TRPM6: variants seen among roughly 807,000 people sequenced by gnomAD.
TRPM6 encodes channel kinase 2.
TRPM6 carries 111 observed loss-of-function variants against 247.6 expected under a neutral mutation model. The observed-to-expected ratio is 0.45, with a 90% CI of 0.38 to 0.52. The LOEUF (loss-of-function observed/expected upper bound fraction) is 0.52. Ranked by LOEUF, TRPM6 falls within the 20% of genes least tolerant of loss-of-function variation. The pLI, the probability that TRPM6 is intolerant of heterozygous loss-of-function variation, is 0.00. For missense variants in TRPM6, 2,126 were observed against 2,421.5 expected, an observed-to-expected ratio of 0.88 and a Z score of 2.56; for synonymous variants, 892 against 853.8, an observed-to-expected ratio of 1.04 and a Z score of -0.78.
Position 74,732,737 on chromosome 9 carries a change from C to A in TRPM6, c.5777-1G>T. 6.2e-7 allele frequency: 1 copy of A among 1,607,770 alleles called. No individual in the cohort carries two copies. ...GGATCTGTCAAATTTTCTCCAACACCTCAAAAGAAGAAACAAAATTCGTTT... is the reference window on the plus strand; with the variant it reads ...GGATCTGTCAAATTTTCTCCAACACATCAAAAGAAGAAACAAAATTCGTTT... On this transcript the variant is annotated splice_acceptor_variant, in intron 36 of 38. Coordinates refer to ENST00000360774, the MANE Select transcript of TRPM6 (RefSeq NM_017662.5). LOFTEE classifies it high-confidence loss of function.
chr9:74,887,646 C>G, intron 1 of TRPM6, 178 bp downstream of exon 1: 1 of 1,578,432 alleles, frequency 6.3e-7, no homozygotes, highest in Non-Finnish European at 8.6e-7. Context: ...ATAGGATAAT[C>G]ATCTTTGGGT....
At chr9:74,756,060 A>G (rs1222295588) in intron 27 of TRPM6, among the ~76,000 whole-genome samples, 1 of 152,234 alleles carries the variant, frequency 6.6e-6, no homozygotes, top group African/African-American at 2.4e-5. Flanking sequence ...GTAAATTGGT[A>G]ACTCAAAAGC....
intron 1 of TRPM6, among the ~76,000 whole-genome samples, chr9:74,881,406 T>C (rs1028840961): frequency 1.3e-5 from 2 of 152,000 alleles, no homozygotes; most frequent in Non-Finnish European, 2.9e-5. Context: ...ATTCTAAACA[T>C]ATATGCACCT....
chr9:74,811,265 GT>G (rs1259030514), intron 12 of TRPM6, among the ~76,000 whole-genome samples: 2 of 152,144 alleles, frequency 1.3e-5, no homozygotes, highest in Non-Finnish European at 2.9e-5. Flanking sequence ...TTCCTGGAGT[GT>G]TTATAATAAT....
At chr9:74,868,645 C>A (rs1830929804) in intron 1 of TRPM6, among the ~76,000 whole-genome samples, 1 of 152,116 alleles carries the variant, frequency 6.6e-6, no homozygotes, top group Admixed American at 6.6e-5. Flanking sequence ...AGGAGAAATT[C>A]CTTCTGCCTG....
At chr9:74,779,002 G>A (rs538998020) in intron 23 of TRPM6, among the ~76,000 whole-genome samples, 1 of 152,262 alleles carries the variant, frequency 6.6e-6, no homozygotes, top group Admixed American at 6.5e-5. Flanking sequence ...GCTAAGATGC[G>A]GGGTGTGAGC....
At chr9:74,839,905 G>GGAGGGATGGAGGGAGGGAGA (rs1829866571) in intron 5 of TRPM6, 119 bp downstream of exon 5, 1 of 492,166 alleles carries the variant, frequency 2.0e-6, no homozygotes, top group Non-Finnish European at 3.5e-6. Flanking sequence ...AGGGAGGGAG[G>GGAGGGATGGAGGGAGGGAGA]GAGGGAGGGA....
intron 37 of TRPM6, among the ~76,000 whole-genome samples, chr9:74,728,763 C>A (rs73530654): frequency 6.6e-6 from 1 of 152,146 alleles, no homozygotes; most frequent in Non-Finnish European, 1.5e-5. Flanking sequence ...CCTTCTAAAA[C>A]GATGCATAGA....
intron 27 of TRPM6, among the ~76,000 whole-genome samples, chr9:74,760,139 A>C (rs1826573690): frequency 6.6e-6 from 1 of 152,194 alleles, no homozygotes. Flanking sequence ...GTGTAGCCTA[A>C]ATGTACAGTG....
chr9:74,862,454 A>G (rs1023262969), intron 1 of TRPM6, among the ~76,000 whole-genome samples: 8 of 152,140 alleles, frequency 5.3e-5, no homozygotes, highest in African/African-American at 1.9e-4. Flanking sequence ...CAAAGGAGAA[A>G]GAAGGGAAAT....
intron 1 of TRPM6, among the ~76,000 whole-genome samples, chr9:74,874,849 G>C (rs1279991599): frequency 6.6e-6 from 1 of 150,628 alleles, no homozygotes; most frequent in African/African-American, 2.4e-5. Flanking sequence ...TCCACCTCCC[G>C]AGTTCAAGTG....
intron 16 of TRPM6, 46 bp from the exon 17 acceptor site, chr9:74,800,528 G>A (rs1365742519): frequency 7.7e-7 from 1 of 1,299,564 alleles, no homozygotes; most frequent in African/African-American, 1.5e-5. Context: ...AGGTGAGAGA[G>A]CTGCATTATT....
intron 14 of TRPM6, chr9:74,804,503 T>A (rs1004276936): frequency 2.8e-6 from 2 of 703,386 alleles, no homozygotes; most frequent in African/African-American, 3.5e-5. Context: ...TCTACAGAGA[T>A]CCTGAAGAGA....
intron 32 of TRPM6, among the ~76,000 whole-genome samples, chr9:74,743,826 G>A (rs1587460591): frequency 6.6e-6 from 1 of 152,170 alleles, no homozygotes. Flanking sequence ...AGAATTTTTA[G>A]ATTTCAAGGT....
At chr9:74,839,067 A>C (rs1035535160) in intron 5 of TRPM6, among the ~76,000 whole-genome samples, 44 of 149,724 alleles carry the variant, frequency 2.9e-4, no homozygotes, top group African/African-American at 1.1e-3. Flanking sequence ...CCAAGACTGC[A>C]CCATTGCACT....
At chr9:74,874,253 A>C (rs114347441) in intron 1 of TRPM6, among the ~76,000 whole-genome samples, 3,617 of 151,388 alleles carry the variant, frequency 0.024, 140 homozygotes, top group African/African-American at 0.08. Context: ...AAAAAAAAAA[A>C]AAAACAAGAA....
intron 2 of TRPM6, chr9:74,857,736 C>A (rs1253769802): frequency 6.6e-6 from 1 of 152,130 alleles, no homozygotes; most frequent in Non-Finnish European, 1.5e-5. Flanking sequence ...TAGCATGGCC[C>A]CTGCTCAAGG....
chr9:74,743,129 ATGAG>A (rs1254078921), intron 32 of TRPM6, among the ~76,000 whole-genome samples: 1 of 152,206 alleles, frequency 6.6e-6, no homozygotes, highest in Non-Finnish European at 1.5e-5. Context: ...CAGAGTCAAT[ATGAG>A]TTACAGTATT....
At chr9:74,747,953 C>T (rs754670341) in intron 30 of TRPM6, 39 bp from the exon 31 acceptor site, 3 of 1,598,192 alleles carry the variant, frequency 1.9e-6, no homozygotes, top group South Asian at 2.2e-5. Flanking sequence ...GATAATGCTG[C>T]CTTAAATCTT....
Sources: gnomAD v4.1 joint callset for allele counts (sites outside exome capture counted in the v4.1 genomes callset) on GRCh38, gnomAD v4.1.1 for gene constraint, MANE v1.5 for transcripts, NCBI Gene and HGNC (gene_info 2026-07-23, HGNC 2026-07-21) for gene names.